Variants in GPC5 observed in about 807,000 individuals in gnomAD.
GPC5 encodes glypican-5.
A neutral mutation model predicts 53.9 loss-of-function variants in GPC5; 47 were observed. That is an observed-to-expected ratio of 0.87 (90% CI 0.69 to 1.11). The LOEUF is 1.11. GPC5 is among the 50% of genes most tolerant of loss of function. The pLI is 0.00. For missense variants in GPC5, 748 were observed against 713.1 expected (o/e 1.05, Z -0.56); for synonymous variants, 286 against 263.3 (o/e 1.09, Z -0.84).
chr13:92,086,230 T>A (rs898839606), intron 6 of GPC5, among the ~76,000 whole-genome samples: 4 of 152,112 alleles, frequency 2.6e-5, no homozygotes, highest in Non-Finnish European at 4.4e-5. Flanking sequence ...AGACCCTAAT[T>A]TCCTTCATTT....
chr13:92,336,279 C>A (rs1489504298), intron 7 of GPC5, among the ~76,000 whole-genome samples: 1 of 152,148 alleles, frequency 6.6e-6, no homozygotes, highest in Non-Finnish European at 1.5e-5. Flanking sequence ...TACATATTTT[C>A]TAATCAGTAA....
At chr13:91,649,019 CCGCTGT>C (rs753696844) in intron 2 of GPC5, among the ~76,000 whole-genome samples, 18 of 152,112 alleles carry the variant, frequency 1.2e-4, no homozygotes, top group Non-Finnish European at 2.4e-4. Flanking sequence ...TACCCCCATG[CCGCTGT>C]TCTCATGGTA....
At chr13:91,777,222 A>G (rs144101144) in intron 5 of GPC5, among the ~76,000 whole-genome samples, 60 of 152,324 alleles carry the variant, frequency 3.9e-4, no homozygotes, top group African/African-American at 1.4e-3. Flanking sequence ...GTAGCATTCA[A>G]TGAAAGTGGA....
At chr13:92,861,388 G>A (rs1010886569) in intron 7 of GPC5, among the ~76,000 whole-genome samples, 14 of 152,084 alleles carry the variant, frequency 9.2e-5, no homozygotes, top group African/African-American at 3.1e-4. Context: ...CTGTACCCTT[G>A]CCCAACTGGT....
intron 5 of GPC5, among the ~76,000 whole-genome samples, chr13:91,894,274 T>TTTG (rs2039418504): frequency 1.3e-5 from 2 of 151,646 alleles, no homozygotes; most frequent in African/African-American, 2.4e-5. Flanking sequence ...TTGTTTGTTT[T>TTTG]TTAATCTTGG....
chr13:92,035,214 C>CA (rs11410459), intron 6 of GPC5, among the ~76,000 whole-genome samples: 109,556 of 119,824 alleles, frequency 0.91, 50,010 homozygotes, highest in East Asian at 0.98. Flanking sequence ...GACTCCGTCT[C>CA]AAAAAAAAAA....
rs1293318435 is a variant in GPC5 at position 92,838,566 on chromosome 13, C to T, written c.1562-27716C>T. Among the ~76,000 whole-genome samples the T allele has an allele frequency of 2.0e-5, 3 of 150,860 alleles. No individual in the cohort carries two copies. The East Asian group carries it at 5.9e-4, about 30-fold the overall frequency. On this transcript the variant is annotated intron_variant, in intron 7 of 7. Coordinates refer to ENST00000377067, the MANE Select transcript of GPC5 (RefSeq NM_004466.6). ...ATATCGTGCCTCTATAATTGTTATA[C>T]ACAATTCAAGCAAAACTTACGAAAT...
At chr13:92,631,692 C>G (rs1474801293) in intron 7 of GPC5, among the ~76,000 whole-genome samples, 1 of 152,086 alleles carries the variant, frequency 6.6e-6, no homozygotes, top group African/African-American at 2.4e-5. Flanking sequence ...AGAATTCTGG[C>G]AAAGGATGAG....
intron 2 of GPC5, among the ~76,000 whole-genome samples, chr13:91,508,165 G>A (rs539704909): frequency 5.9e-5 from 9 of 152,226 alleles, no homozygotes; most frequent in Admixed American, 5.9e-4. Context: ...CTTAAAAACA[G>A]CTCACATAAA....
intron 7 of GPC5, among the ~76,000 whole-genome samples, chr13:92,253,059 C>A (rs1347703629): frequency 2.0e-5 from 3 of 152,078 alleles, no homozygotes; most frequent in Non-Finnish European, 4.4e-5. Context: ...ATCCAAGGAA[C>A]CTATTTTCAT....
chr13:92,037,380 A>T (rs1345694279), intron 6 of GPC5, among the ~76,000 whole-genome samples: 5 of 152,110 alleles, frequency 3.3e-5, no homozygotes, highest in Non-Finnish European at 1.5e-5. Flanking sequence ...TTCATACTTT[A>T]TTCAAGGACC....
intron 7 of GPC5, among the ~76,000 whole-genome samples, chr13:92,752,094 G>C (rs370702737): frequency 6.6e-6 from 1 of 151,478 alleles, no homozygotes; most frequent in African/African-American, 2.4e-5. Context: ...GAACTCTAGA[G>C]CAGAGTTTCT....
chr13:92,030,011 C>A (rs1485281422), intron 6 of GPC5, among the ~76,000 whole-genome samples: 1 of 152,118 alleles, frequency 6.6e-6, no homozygotes. Context: ...TATCAGAGAA[C>A]AGAAATGCAC....
chr13:92,756,936 C>T (rs1482638768), intron 7 of GPC5, among the ~76,000 whole-genome samples: 1 of 151,766 alleles, frequency 6.6e-6, no homozygotes, highest in African/African-American at 2.4e-5. Flanking sequence ...AATGCCATCC[C>T]CATCAAGCTA....
intron 2 of GPC5, among the ~76,000 whole-genome samples, chr13:91,562,188 TAAAAAAAA>T (rs10603242): frequency 4.4e-5 from 2 of 45,056 alleles, no homozygotes; most frequent in East Asian, 9.3e-4. Context: ...GGAGCAACAG[TAAAAAAAA>T]AAAAAAAAAA....
intron 4 of GPC5, among the ~76,000 whole-genome samples, chr13:91,740,330 T>C (rs2036904318): frequency 6.6e-6 from 1 of 152,170 alleles, no homozygotes; most frequent in Non-Finnish European, 1.5e-5. Flanking sequence ...CATTTTTTTC[T>C]CCCTGTTTTT....
chr13:92,387,633 T>A (rs963765965), intron 7 of GPC5, among the ~76,000 whole-genome samples: 1 of 152,084 alleles, frequency 6.6e-6, no homozygotes, highest in East Asian at 1.9e-4. Context: ...TGGGAATATA[T>A]GATGTTTCTA....
chr13:91,526,219 T>A (rs1886080517), intron 2 of GPC5, among the ~76,000 whole-genome samples: 1 of 152,224 alleles, frequency 6.6e-6, no homozygotes, highest in South Asian at 2.1e-4. Flanking sequence ...CATTGCTGCA[T>A]CTTTTACAAC....
chr13:92,853,307 C>G (rs1878876482), intron 7 of GPC5, among the ~76,000 whole-genome samples: 1 of 147,008 alleles, frequency 6.8e-6, no homozygotes, highest in African/African-American at 2.6e-5. Flanking sequence ...AGTCTACATT[C>G]ACATGACACA....
Sources: allele counts gnomAD v4.1 joint callset (sites outside exome capture counted in the v4.1 genomes callset), GRCh38; gene constraint gnomAD v4.1.1; transcripts MANE v1.5; gene names NCBI Gene and HGNC (gene_info 2026-07-23, HGNC 2026-07-21).